Variants in CFAP418 observed in about 807,000 individuals in gnomAD.
CFAP418 encodes the protein cilia- and flagella-associated protein 418.
Under a neutral mutation model 24.7 loss-of-function variants are expected in CFAP418, and 27 were observed. The observed-to-expected ratio is 1.09, with a 90% CI of 0.81 to 1.51. The LOEUF is 1.51. Among genes scored for constraint, CFAP418 ranks in the 40% most tolerant of loss-of-function variants. The pLI is 0.00. For synonymous variants in CFAP418, 74 were observed against 87.3 expected, an observed-to-expected ratio of 0.85 and a Z score of 0.85; for missense variants, 257 against 255.2, an observed-to-expected ratio of 1.01 and a Z score of -0.05.
At chr8:95,266,063 T>A (rs1393095830) in intron 1 of CFAP418, among the ~76,000 whole-genome samples, 2 of 152,250 alleles carry the variant, frequency 1.3e-5, no homozygotes, top group African/African-American at 4.8e-5. Context: ...AGATCTACTA[T>A]GTCCTTGTGA....
At chr8:95,266,262 A>C (rs1811978597) in intron 1 of CFAP418, among the ~76,000 whole-genome samples, 2 of 152,204 alleles carry the variant, frequency 1.3e-5, no homozygotes, top group African/African-American at 4.8e-5. Flanking sequence ...ATTATCTTTA[A>C]ATATTCCCAT....
intron 1 of CFAP418, among the ~76,000 whole-genome samples, chr8:95,267,778 A>G (rs181554860): frequency 6.6e-6 from 1 of 152,288 alleles, no homozygotes; most frequent in East Asian, 1.9e-4. Flanking sequence ...GCCTCCGTGT[A>G]ATTTCACAAG....
At chr8:95,247,861 TTTC>T in intron 5 of CFAP418, 91 bp from the exon 6 acceptor site, 1 of 1,350,996 alleles carries the variant, frequency 7.4e-7, no homozygotes, top group South Asian at 1.5e-5. Flanking sequence ...TTTCTTTTCT[TTTC>T]TTTTTTTGTT....
At chr8:95,250,725 G>C (rs1479265929) in intron 5 of CFAP418, among the ~76,000 whole-genome samples, 1 of 152,130 alleles carries the variant, frequency 6.6e-6, no homozygotes, top group Non-Finnish European at 1.5e-5. Flanking sequence ...CTCAGATTTT[G>C]GGAGTACATT....
intron 4 of CFAP418, among the ~76,000 whole-genome samples, chr8:95,256,843 A>G (rs1444063240): frequency 6.6e-6 from 1 of 152,244 alleles, no homozygotes; most frequent in East Asian, 1.9e-4. Flanking sequence ...TCAGACACAG[A>G]AAAACATAAG....
At chr8:95,268,805 T>C (rs1167996207) in intron 1 of CFAP418, 8 of 285,582 alleles carry the variant, frequency 2.8e-5, no homozygotes, top group Non-Finnish European at 4.8e-5. Flanking sequence ...GCCAGCCCTC[T>C]GGGGCATGCC....
chr8:95,261,305 G>A (rs1002596390), intron 2 of CFAP418, among the ~76,000 whole-genome samples: 2 of 152,142 alleles, frequency 1.3e-5, no homozygotes. Context: ...ACTCTTATTT[G>A]ATGTTAAGCA....
At chr8:95,253,035 C>T (rs1236164150) in intron 4 of CFAP418, among the ~76,000 whole-genome samples, 2 of 151,742 alleles carry the variant, frequency 1.3e-5, no homozygotes, top group Non-Finnish European at 2.9e-5. Context: ...AATGGCCGGG[C>T]GCGGTGGCTC....
chr8:95,263,359 GA>G (rs1483766989), intron 2 of CFAP418, among the ~76,000 whole-genome samples: 3 of 150,452 alleles, frequency 2.0e-5, no homozygotes, highest in Admixed American at 6.6e-5. Flanking sequence ...TTCCTACAAT[GA>G]AAGCTGTTTG....
At chr8:95,249,333 G>A (rs1326851078) in intron 5 of CFAP418, among the ~76,000 whole-genome samples, 1 of 152,170 alleles carries the variant, frequency 6.6e-6, no homozygotes, top group Non-Finnish European at 1.5e-5. Context: ...TTGTGGCAAG[G>A]TGGTCAGTAA....
intron 1 of CFAP418, among the ~76,000 whole-genome samples, chr8:95,268,201 G>A (rs1341229036): frequency 6.6e-6 from 1 of 152,166 alleles, no homozygotes; most frequent in African/African-American, 2.4e-5. Context: ...AATCCTAGCA[G>A]TTAGGGGAGG....
intron 1 of CFAP418, chr8:95,268,776 G>GGGGCGGGGCGGGGCAGGGCGGGGCA: frequency 4.4e-6 from 1 of 228,766 alleles, no homozygotes; most frequent in Non-Finnish European, 8.1e-6. Flanking sequence ...GGGGCGGGGC[G>GGGGCGGGGCGGGGCAGGGCGGGGCA]GGGCGGGGCG....
chr8:95,263,845 T>G lies in CFAP418; in HGVS notation c.156-71A>C, dbSNP rs913755039. 4 of 907,338 alleles carry G rather than the reference T, an allele frequency of 4.4e-6. No homozygotes were observed. In the Admixed American group the frequency reaches 6.3e-5, roughly 14 times the overall value. 56.2% of individuals were successfully genotyped at this position (907,338 alleles called of 1,614,324 possible). On this transcript the variant is annotated intron_variant, in intron 1 of 5. Coordinates refer to ENST00000286688, the MANE Select transcript of CFAP418 (RefSeq NM_177965.4). Reference sequence around the variant, plus strand: ...GCAGAGAAAGCTAGTATCAGAAGAGTTTTGCTTAAAGTCCATTATTAGAGC... The same window carrying G: ...GCAGAGAAAGCTAGTATCAGAAGAGGTTTGCTTAAAGTCCATTATTAGAGC...
chr8:95,259,292 T>A (rs920675760), intron 4 of CFAP418, among the ~76,000 whole-genome samples: 1 of 152,124 alleles, frequency 6.6e-6, no homozygotes, highest in Non-Finnish European at 1.5e-5. Context: ...GGGGCTAATA[T>A]GGGTTTGGGG....
chr8:95,254,602 C>T (rs1811758049), intron 4 of CFAP418, among the ~76,000 whole-genome samples: 1 of 152,164 alleles, frequency 6.6e-6, no homozygotes, highest in African/African-American at 2.4e-5. Context: ...GTAGAATTCA[C>T]TATTTTAAAG....
intron 1 of CFAP418, 92 bp from the exon 2 acceptor site, chr8:95,263,866 A>G (rs568960419): frequency 1.2e-5 from 8 of 690,128 alleles, no homozygotes; most frequent in African/African-American, 9.0e-5. Flanking sequence ...GTCCATTATT[A>G]GAGCTGATAA....
intron 1 of CFAP418, among the ~76,000 whole-genome samples, chr8:95,265,646 C>T (rs1473649044): frequency 6.6e-6 from 1 of 152,196 alleles, no homozygotes; most frequent in Non-Finnish European, 1.5e-5. Flanking sequence ...CATGCAATTT[C>T]ACAATTTCAA....
At chr8:95,261,469 G>T (rs533595493) in intron 2 of CFAP418, among the ~76,000 whole-genome samples, 2 of 152,274 alleles carry the variant, frequency 1.3e-5, no homozygotes, top group South Asian at 4.1e-4. Context: ...GCTTTCTTGT[G>T]TGGGTCTGGG....
intron 4 of CFAP418, among the ~76,000 whole-genome samples, chr8:95,254,694 G>C (rs532877860): frequency 6.6e-6 from 1 of 152,330 alleles, no homozygotes; most frequent in South Asian, 2.1e-4. Flanking sequence ...AATCCTATCA[G>C]ATCTGCACAA....
Sources: allele counts gnomAD v4.1 joint callset (sites outside exome capture counted in the v4.1 genomes callset), GRCh38; gene constraint gnomAD v4.1.1; transcripts MANE v1.5; gene names NCBI Gene and HGNC (gene_info 2026-07-23, HGNC 2026-07-21).